Variants in PPP2R2C observed in about 807,000 individuals in gnomAD.
PPP2R2C encodes protein phosphatase 2, regulatory subunit B, gamma.
In PPP2R2C, 10 loss-of-function variants were observed where a neutral mutation model predicts 45.3. That is an observed-to-expected ratio of 0.22 (90% CI 0.14 to 0.37). The LOEUF is 0.37. Ranked by LOEUF, PPP2R2C falls within the 10% of genes least tolerant of loss-of-function variation. PPP2R2C has a pLI of 1.00. For synonymous variants in PPP2R2C, 257 were observed against 245.4 expected (o/e 1.05, Z -0.44); for missense variants, 308 against 619.7 (o/e 0.50, Z 5.34).
At chr4:6,366,423 C>A (rs1714313620) in intron 5 of PPP2R2C, among the ~76,000 whole-genome samples, 1 of 152,224 alleles carries the variant, frequency 6.6e-6, no homozygotes, top group Non-Finnish European at 1.5e-5. Flanking sequence ...GCCCACTCCA[C>A]CTACAACCGT....
intron 2 of PPP2R2C, among the ~76,000 whole-genome samples, chr4:6,521,009 T>G (rs576109114): frequency 6.6e-5 from 10 of 152,248 alleles, no homozygotes; most frequent in Non-Finnish European, 1.3e-4. Flanking sequence ...TAGGACAGAA[T>G]GCAGATGAGG....
chr4:6,513,805 A>G (rs1315147746), intron 2 of PPP2R2C, among the ~76,000 whole-genome samples: 2 of 152,184 alleles, frequency 1.3e-5, no homozygotes, highest in Non-Finnish European at 2.9e-5. Context: ...GGGCCCCCAG[A>G]GGCCCCCATC....
intron 2 of PPP2R2C, among the ~76,000 whole-genome samples, chr4:6,534,029 CAT>C (rs199533265): frequency 0.21 from 31,035 of 150,994 alleles, 3,863 homozygotes; most frequent in Non-Finnish European, 0.28. Context: ...CCAACACACA[CAT>C]GTCAACAAGC....
chr4:6,525,767 G>A (rs1724177742), intron 2 of PPP2R2C, among the ~76,000 whole-genome samples: 2 of 152,110 alleles, frequency 1.3e-5, no homozygotes, highest in Middle Eastern at 3.2e-3. Flanking sequence ...ACAGTGGCAC[G>A]ATCTCCACTC....
chr4:6,527,634 T>C (rs1267066182), intron 2 of PPP2R2C, among the ~76,000 whole-genome samples: 5 of 96,688 alleles, frequency 5.2e-5, no homozygotes, highest in African/African-American at 2.1e-4. Flanking sequence ...CCTTATGCCC[T>C]GGCCACATGG....
At chr4:6,556,517 C>A (rs111881709) in intron 1 of PPP2R2C, among the ~76,000 whole-genome samples, 1 of 152,156 alleles carries the variant, frequency 6.6e-6, no homozygotes, top group African/African-American at 2.4e-5. Flanking sequence ...CGTGTGTGTG[C>A]GCACACGTGC....
At chr4:6,517,845 T>A (rs892808717) in intron 2 of PPP2R2C, among the ~76,000 whole-genome samples, 1 of 152,118 alleles carries the variant, frequency 6.6e-6, no homozygotes, top group Non-Finnish European at 1.5e-5. Flanking sequence ...ACTCTCCAGG[T>A]CCATATTACC....
chr4:6,419,269 C>T (rs1718807982), intron 1 of PPP2R2C, among the ~76,000 whole-genome samples: 1 of 151,884 alleles, frequency 6.6e-6, no homozygotes, highest in South Asian at 2.1e-4. Flanking sequence ...AACACACACA[C>T]ACAAAAATTA....
Position 6,332,623 on chromosome 4 carries a change from T to C in PPP2R2C, c.960+939A>G, listed in dbSNP as rs935439762. ...AAAGCGTAGGGCTCTGAGCCTGGGC[T>C]CTGAATCTGTCACCGCCCAGCCGAG... On this transcript the variant is annotated intron_variant, in intron 7 of 8. Transcript: ENST00000382599. This position sits in a 1 kb window ranked among gnomAD's most constrained non-coding sequence, Gnocchi z 4.9. Among the ~76,000 whole-genome samples the C allele has an allele frequency of 2.6e-5, 4 of 152,194 alleles. No individual in the cohort carries two copies. The highest frequency in any genetic ancestry group is 9.6e-5 in the African/African-American group (4 of 41,464).
intron 2 of PPP2R2C, among the ~76,000 whole-genome samples, chr4:6,482,942 G>A (rs552953166): frequency 6.6e-6 from 1 of 151,768 alleles, no homozygotes; most frequent in Non-Finnish European, 1.5e-5. Context: ...TGTCTAATGT[G>A]GATGCTTTTT....
intron 6 of PPP2R2C, among the ~76,000 whole-genome samples, chr4:6,346,532 C>T (rs1234649601): frequency 2.0e-5 from 3 of 152,234 alleles, no homozygotes; most frequent in South Asian, 2.1e-4. Context: ...CTGTCTCCCC[C>T]GCAGACGCCA....
chr4:6,539,702 G>A (rs1323719023), intron 1 of PPP2R2C, among the ~76,000 whole-genome samples: 1 of 152,226 alleles, frequency 6.6e-6, no homozygotes, highest in South Asian at 2.1e-4. Context: ...GGAAATGGAA[G>A]AATCAGATCT....
At chr4:6,391,843 G>A (rs912877815) in intron 1 of PPP2R2C, among the ~76,000 whole-genome samples, 2 of 152,206 alleles carry the variant, frequency 1.3e-5, no homozygotes, top group African/African-American at 2.4e-5. Flanking sequence ...TGGAAAGGGG[G>A]AAAGACCTGC....
At chr4:6,542,702 C>T (rs372182311) in intron 1 of PPP2R2C, among the ~76,000 whole-genome samples, 1 of 26,988 alleles carries the variant, frequency 3.7e-5, no homozygotes, top group African/African-American at 1.0e-4. Flanking sequence ...GACTCTGTCT[C>T]AAAAAAAAAA....
At chr4:6,379,301 C>A (rs1334894441) in intron 2 of PPP2R2C, among the ~76,000 whole-genome samples, 1 of 152,156 alleles carries the variant, frequency 6.6e-6, no homozygotes, top group Non-Finnish European at 1.5e-5. Context: ...CTGTGTGCGC[C>A]AGGGACCACG....
intron 1 of PPP2R2C, among the ~76,000 whole-genome samples, chr4:6,470,554 C>A (rs1304021125): frequency 6.6e-6 from 1 of 152,216 alleles, no homozygotes; most frequent in South Asian, 2.1e-4. Flanking sequence ...CAGACCACAG[C>A]GAGCCTGGGA....
chr4:6,478,558 C>T (rs1486604274), intron 2 of PPP2R2C, among the ~76,000 whole-genome samples: 2 of 152,166 alleles, frequency 1.3e-5, no homozygotes, highest in East Asian at 1.9e-4. Context: ...GTGAGAAACA[C>T]GCATGTGATA....
intron 2 of PPP2R2C, among the ~76,000 whole-genome samples, chr4:6,520,716 T>G (rs2108813482): frequency 6.6e-6 from 1 of 152,320 alleles, no homozygotes; most frequent in East Asian, 1.9e-4. Context: ...AGGAGAGCAC[T>G]GAGCTTGGAG....
chr4:6,328,998 A>G lies in PPP2R2C; in HGVS notation c.1052+264T>C, dbSNP rs1001405363. ...ACCGGGGACCCTGAATTAACTAAAC[A>G]TGTTCCCACTACTGCCCATAGGGCA... On this transcript the variant is annotated intron_variant, in intron 8 of 8. Transcript: ENST00000382599. The surrounding 1 kb of genome is among the most constrained non-coding windows in gnomAD (Gnocchi z 4.4). Among the ~76,000 whole-genome samples the G allele has an allele frequency of 6.6e-6, 1 of 152,230 alleles. No homozygotes were observed. Among genetic ancestry groups the G allele is most frequent in the African/African-American group, 2.4e-5 (1 of 41,464 alleles).
Sources: gnomAD v4.1 joint callset for allele counts (sites outside exome capture counted in the v4.1 genomes callset) on GRCh38, gnomAD v4.1.1 for gene constraint, Gnocchi (gnomAD v3.1) non-coding constraint, MANE v1.5 for transcripts, NCBI Gene and HGNC (gene_info 2026-07-23, HGNC 2026-07-21) for gene names.